ANKRD36C: variants seen among roughly 807,000 people sequenced by gnomAD.
ANKRD36C encodes ankyrin repeat domain-containing protein 36C.
A neutral mutation model predicts 276.4 loss-of-function variants in ANKRD36C; 61 were observed. The ratio of observed to expected loss-of-function variants is 0.22; its 90% CI spans 0.18 to 0.27. The LOEUF (loss-of-function observed/expected upper bound fraction) is 0.27, where lower values mean the gene tolerates loss of function less well. ANKRD36C is among the 10% of genes least tolerant of loss of function. The pLI, the probability that ANKRD36C is intolerant of heterozygous loss-of-function variation, is 1.00. For missense variants in ANKRD36C, 1,447 were observed against 2,032.3 expected, an observed-to-expected ratio of 0.71 and a Z score of 5.54; for synonymous variants, 483 against 680.1, an observed-to-expected ratio of 0.71 and a Z score of 4.51.
Position 95,918,061 on chromosome 2 carries a change from A to T in ANKRD36C, c.2246-19T>A, listed in dbSNP as rs763112604. On this transcript the variant is annotated intron_variant, in intron 34 of 66. Coordinates refer to ENST00000456556, the Ensembl canonical transcript of ANKRD36C. ...GAAGACACTGAAAAGCAAAAGGGAT[A>T]CATAATCACTCATGTGTAAATATGA... is the stretch of plus-strand genomic sequence containing the variant. The T allele has an allele frequency of 3.1e-6, 5 of 1,598,314 alleles. No individual in the cohort carries two copies. In the South Asian group the frequency reaches 4.4e-5, roughly 14 times the overall value.
In ANKRD36C at chr2:95,980,618, G is replaced by C. The variant is rs749785858; in HGVS notation, c.731+30C>G. On this transcript the variant is annotated intron_variant, in intron 5 of 66. Transcript: ENST00000456556. ...CAATTATTTTAAACTTCAATTTAGT[G>C]TTCATTAGCCTTTTTATGTAAAGAC... The C allele has an allele frequency of 4.4e-6, 7 of 1,598,158 alleles. No individual in the cohort carries two copies. The African/African-American group carries it at 9.4e-5, about 21-fold the overall frequency.
chr2:95,980,346 C>T (rs1308067185), intron 5 of ANKRD36C, among the ~76,000 whole-genome samples: 1 of 152,022 alleles, frequency 6.6e-6, no homozygotes, highest in Non-Finnish European at 1.5e-5. Flanking sequence ...TGTGAAACTA[C>T]TTTATCCTAT....
At chr2:95,880,867 A>G (rs1191173116) in intron 56 of ANKRD36C, among the ~76,000 whole-genome samples, 1 of 152,212 alleles carries the variant, frequency 6.6e-6, no homozygotes, top group East Asian at 1.9e-4. Flanking sequence ...ATCTATTGCT[A>G]AAAAGAAGTG....
chr2:95,892,392 G>C (rs1676395280), intron 44 of ANKRD36C, among the ~76,000 whole-genome samples: 1 of 151,388 alleles, frequency 6.6e-6, no homozygotes, highest in South Asian at 2.1e-4. Flanking sequence ...TGATCACTTT[G>C]GATATCTGTT....
At chr2:95,882,695 T>C (rs1676112939) in intron 54 of ANKRD36C, among the ~76,000 whole-genome samples, 198 bp from the exon 75 acceptor site, 1 of 152,120 alleles carries the variant, frequency 6.6e-6, no homozygotes, top group Admixed American at 6.6e-5. Context: ...CCAGAAAATA[T>C]ACAGTCAGAA....
chr2:95,921,583 A>T (rs1171419890), intron 34 of ANKRD36C, 24 bp downstream of exon 34: 1 of 1,596,888 alleles, frequency 6.3e-7, no homozygotes, highest in Admixed American at 1.7e-5. Flanking sequence ...TGAACATGAC[A>T]TTAAATGTCT....
At chr2:95,963,972 A>AT (rs1678521316) in intron 6 of ANKRD36C, among the ~76,000 whole-genome samples, 2 of 48,994 alleles carry the variant, frequency 4.1e-5, no homozygotes, top group African/African-American at 8.4e-5. Context: ...TATATATATA[A>AT]ATATATATAT....
chr2:95,868,409 T>C (rs1311848877), intron 59 of ANKRD36C, among the ~76,000 whole-genome samples: 1 of 152,084 alleles, frequency 6.6e-6, no homozygotes, highest in Non-Finnish European at 1.5e-5. Context: ...ATTAGCGGTG[T>C]TTTGGTTTTT....
chr2:95,953,500 A>G (rs1678252305), intron 14 of ANKRD36C, among the ~76,000 whole-genome samples: 2 of 152,118 alleles, frequency 1.3e-5, no homozygotes, highest in African/African-American at 2.4e-5. Context: ...ACTATATGCT[A>G]TGTGTAACAG....
At chr2:95,909,385 A>G (rs1369208453) in intron 42 of ANKRD36C, among the ~76,000 whole-genome samples, 2 of 70,358 alleles carry the variant, frequency 2.8e-5, no homozygotes, top group East Asian at 7.0e-4. Context: ...TAGCCTCAAT[A>G]AAAATATCAT....
At chr2:95,910,285 T>G in intron 42 of ANKRD36C, 88 bp downstream of exon 46, 1 of 1,387,098 alleles carries the variant, frequency 7.2e-7, no homozygotes, top group Non-Finnish European at 9.7e-7. Context: ...AAGTGCAGCT[T>G]CGACGAGCCA....
Position 95,913,303 on chromosome 2 carries a change from C to T in ANKRD36C, c.2551+805G>A, listed in dbSNP as rs574326040. ...TCTAAAATACTCTTGTTGGGAGTAT[C>T]GTGTTATTCTCTAAAGAAGTTTCAT... On this transcript the variant is annotated intron_variant, in intron 40 of 66. Transcript: ENST00000456556. 1.0e-4 allele frequency among the ~76,000 whole-genome samples: 15 copies of T among 150,744 alleles called. No homozygotes were observed. The East Asian group carries it at 2.6e-3, about 26-fold the overall frequency.
At chr2:95,983,590 T>C (rs1035044175) in intron 3 of ANKRD36C, among the ~76,000 whole-genome samples, 87 of 146,660 alleles carry the variant, frequency 5.9e-4, no homozygotes, top group African/African-American at 2.0e-3. Flanking sequence ...GCATCATTTA[T>C]TTATTTATTT....
intron 6 of ANKRD36C, among the ~76,000 whole-genome samples, chr2:95,963,387 T>C (rs905764312): frequency 3.3e-5 from 5 of 151,958 alleles, no homozygotes; most frequent in African/African-American, 1.2e-4. Context: ...TTCAACATTA[T>C]TTTTGTTTCT....
At chr2:95,968,025 G>A (rs934122998) in intron 6 of ANKRD36C, among the ~76,000 whole-genome samples, 1 of 152,170 alleles carries the variant, frequency 6.6e-6, no homozygotes, top group African/African-American at 2.4e-5. Flanking sequence ...CCAGGAGGCA[G>A]AGGTTGCAGT....
intron 34 of ANKRD36C, among the ~76,000 whole-genome samples, chr2:95,921,388 C>T (rs1374293619): frequency 5.9e-5 from 9 of 151,556 alleles, no homozygotes; most frequent in East Asian, 2.0e-4. Context: ...CCAATTTCAA[C>T]GTGGGGAAGT....
At chr2:95,868,499 G>A (rs1675729519) in intron 59 of ANKRD36C, among the ~76,000 whole-genome samples, 1 of 151,476 alleles carries the variant, frequency 6.6e-6, no homozygotes, top group Non-Finnish European at 1.5e-5. Flanking sequence ...TGTACTTTCA[G>A]TATCATTATA....
intron 44 of ANKRD36C, 149 bp from the exon 61 acceptor site, chr2:95,895,739 G>A (rs1182024692): frequency 5.6e-5 from 77 of 1,383,634 alleles, no homozygotes; most frequent in African/African-American, 7.3e-5. Flanking sequence ...GGACCAGAAG[G>A]TGACAGAAAT....
intron 58 of ANKRD36C, among the ~76,000 whole-genome samples, chr2:95,879,224 G>A (rs555874164): frequency 1.3e-3 from 198 of 152,264 alleles, no homozygotes; most frequent in African/African-American, 2.0e-3. Context: ...CATGTTGTCA[G>A]TCCTTTGTGG....
Sources: allele counts gnomAD v4.1 joint callset (sites outside exome capture counted in the v4.1 genomes callset), GRCh38; gene constraint gnomAD v4.1.1; transcripts MANE v1.5; gene names NCBI Gene and HGNC (gene_info 2026-07-23, HGNC 2026-07-21).